Variants in MYO9A observed in about 807,000 individuals in gnomAD.
MYO9A encodes the protein myosin IXA, also known as unconventional myosin-IXa.
A neutral mutation model predicts 293.3 loss-of-function variants in MYO9A; 103 were observed. The ratio of observed to expected loss-of-function variants is 0.35; its 90% CI spans 0.30 to 0.41. MYO9A has a LOEUF of 0.41. Among genes scored for constraint, MYO9A ranks in the 10% least tolerant of loss-of-function variants. The pLI, the probability that MYO9A is intolerant of heterozygous loss-of-function variation, is 1.00. For synonymous variants in MYO9A, 1,001 were observed against 1,035.7 expected, an observed-to-expected ratio of 0.97 and a Z score of 0.64; for missense variants, 2,685 against 3,033.0, an observed-to-expected ratio of 0.89 and a Z score of 2.69.
chr15:72,028,997 G>C (rs2077775050), intron 3 of MYO9A, among the ~76,000 whole-genome samples: 1 of 152,130 alleles, frequency 6.6e-6, no homozygotes, highest in African/African-American at 2.4e-5. Context: ...GCTTATTGTA[G>C]AGCAATGACC....
intron 1 of MYO9A, among the ~76,000 whole-genome samples, chr15:72,110,832 T>C (rs879800847): frequency 3.3e-5 from 5 of 152,216 alleles, no homozygotes; most frequent in African/African-American, 9.6e-5. Context: ...TGATTAGCCA[T>C]TTATTCTAAA....
intron 2 of MYO9A, among the ~76,000 whole-genome samples, chr15:72,034,018 G>A (rs1326239792): frequency 3.9e-5 from 6 of 152,146 alleles, no homozygotes; most frequent in Non-Finnish European, 8.8e-5. Flanking sequence ...ATGCAAAGCT[G>A]TTTGTGCTAA....
chr15:72,068,486 CTTTT>C (rs11345971), intron 1 of MYO9A, among the ~76,000 whole-genome samples: 4 of 144,544 alleles, frequency 2.8e-5, no homozygotes, highest in Admixed American at 6.9e-5. Context: ...CCCAATTTCT[CTTTT>C]TTTTTTTTTT....
chr15:71,899,793 T>G lies in MYO9A; in HGVS notation c.3364A>C (p.Ile1122Leu). ...YRRRHMAAIC[I>L]QARWKAYRES... ...CTGTAGGCTTTCCATCTTGCTTGTA[T>G]GCAAATAGCAGCCATGTGCCTGCGC... Residue 1122 changes from isoleucine (I) to leucine (L), a missense_variant, in exon 24 of 42, where the codon ATA becomes CTA. Physicochemically the swap from Ile to Leu is conservative, Grantham distance 5 (BLOSUM62 2). Transcript: ENST00000356056. The G allele has an allele frequency of 6.2e-7, 1 of 1,614,214 alleles. No individual in the cohort carries two copies. Among genetic ancestry groups the G allele is most frequent in the Non-Finnish European group, 8.5e-7 (1 of 1,180,040 alleles).
At position 71,830,217 on chromosome 15, in the gene MYO9A, AAGGTCTCCTCTG is replaced by A. The variant is rs1389929972; in HGVS notation, c.6920_6931del (p.Ser2307_Thr2310del). On this transcript the variant is annotated inframe_deletion, in exon 40 of 42. Transcript: ENST00000356056. ...AGTCTCCATGGCTGCCTCACTAGTCAAGGTCTCCTCTGAGACATCAGACACAGAAGGCAACCG... is the reference window on the plus strand; with the variant it reads ...AGTCTCCATGGCTGCCTCACTAGTCAAGACATCAGACACAGAAGGCAACCG... 2 of 1,614,068 alleles carry A rather than the reference AAGGTCTCCTCTG, an allele frequency of 1.2e-6. No individual in the cohort carries two copies. The highest frequency in any genetic ancestry group is 1.7e-6 in the Non-Finnish European group (2 of 1,179,978).
rs747586726 is a variant in MYO9A, at chr15:71,880,505, A to T, written c.5452T>A (p.Cys1818Ser). ...PPLSPELPGSCRKEFKENKEP... is the reference protein window; with the variant it reads ...PPLSPELPGSSRKEFKENKEP... ...TTGTTCTCTTTGAATTCCTTCCGGC[A>T]ACTGCCGGGCAGTTCTGGGCTCAAA... Residue 1818 changes from cysteine (C) to serine (S), a missense_variant, in exon 29 of 42, where the codon TGC (cysteine) becomes AGC (serine). By Grantham distance (112) the Cys-to-Ser change is moderately radical. Coordinates refer to ENST00000356056, the MANE Select transcript of MYO9A (RefSeq NM_006901.4). 2.2e-5 allele frequency: 36 copies of T among 1,614,104 alleles called. No individual in the cohort carries two copies. The highest frequency in any genetic ancestry group is 3.3e-4 in the Middle Eastern group (2 of 6,084).
At chr15:72,112,243 C>A (rs1358868512) in intron 1 of MYO9A, among the ~76,000 whole-genome samples, 4 of 152,092 alleles carry the variant, frequency 2.6e-5, no homozygotes, top group South Asian at 2.1e-4. Context: ...AAAACACACA[C>A]AATTTTTAGC....
At chr15:71,892,706 G>A (rs2057213578) in intron 26 of MYO9A, 1 of 234,752 alleles carries the variant, frequency 4.3e-6, no homozygotes, top group Admixed American at 5.2e-5. Flanking sequence ...CACTGCTCTA[G>A]ACCTTTTAGG....
At chr15:71,849,866 T>C (rs1340565821) in intron 38 of MYO9A, among the ~76,000 whole-genome samples, 170 bp downstream of exon 38, 3 of 152,176 alleles carry the variant, frequency 2.0e-5, no homozygotes, top group Non-Finnish European at 4.4e-5. Context: ...TGATGCTCAG[T>C]TGAATCCAGG....
chr15:72,048,198 G>A (rs2078448636), intron 1 of MYO9A, among the ~76,000 whole-genome samples: 1 of 151,688 alleles, frequency 6.6e-6, no homozygotes, highest in Non-Finnish European at 1.5e-5. Flanking sequence ...TCAGGAGTTC[G>A]AGATCAGCCT....
At chr15:72,049,665 G>T (rs923111449) in intron 1 of MYO9A, among the ~76,000 whole-genome samples, 8 of 152,220 alleles carry the variant, frequency 5.3e-5, no homozygotes, top group African/African-American at 1.9e-4. Context: ...GATTGTCATA[G>T]AAGCATTAAG....
chr15:71,989,512 G>A (rs556362054), intron 11 of MYO9A, among the ~76,000 whole-genome samples: 1 of 152,152 alleles, frequency 6.6e-6, no homozygotes, highest in Non-Finnish European at 1.5e-5. Context: ...CAGTAGTTTT[G>A]TATCAGCCAT....
At chr15:72,014,419 C>CT (rs1386262867) in intron 6 of MYO9A, among the ~76,000 whole-genome samples, 12 of 152,222 alleles carry the variant, frequency 7.9e-5, no homozygotes, top group Non-Finnish European at 1.6e-4. Context: ...GGCACGGTGG[C>CT]TCATGCCTAT....
At chr15:71,853,394 G>T (rs1031809306) in intron 35 of MYO9A, among the ~76,000 whole-genome samples, 1 of 152,210 alleles carries the variant, frequency 6.6e-6, no homozygotes, top group African/African-American at 2.4e-5. Flanking sequence ...AGGATATACA[G>T]ATTAGATGAC....
intron 1 of MYO9A, among the ~76,000 whole-genome samples, chr15:72,105,695 T>C (rs917421335): frequency 3.3e-5 from 5 of 151,918 alleles, no homozygotes; most frequent in Admixed American, 2.6e-4. Flanking sequence ...TTAGTAGAGA[T>C]GGGGTTTCTA....
Position 71,922,137 on chromosome 15 carries a change from C to T in MYO9A, c.2563-5645G>A, listed in dbSNP as rs372969521. ...AGACTACAGGCACGTGCCACCACGC[C>T]CAGCTAATTTTTTGTATTTTTAGTA... On this transcript the variant is annotated intron_variant, in intron 18 of 41. Coordinates refer to ENST00000356056, the MANE Select transcript of MYO9A (RefSeq NM_006901.4). Among the ~76,000 whole-genome samples, 5 of 152,142 alleles carry T rather than the reference C, an allele frequency of 3.3e-5. No homozygotes were observed. In the East Asian group the frequency reaches 5.8e-4, roughly 18 times the overall value.
At chr15:71,891,402 G>C (rs574554437) in intron 26 of MYO9A, 1 of 152,268 alleles carries the variant, frequency 6.6e-6, no homozygotes, top group African/African-American at 2.4e-5. Context: ...TGTTACAAAG[G>C]AAACTCTCAG....
intron 1 of MYO9A, among the ~76,000 whole-genome samples, chr15:72,104,956 G>C (rs978625433): frequency 2.6e-5 from 4 of 152,204 alleles, no homozygotes; most frequent in Non-Finnish European, 1.5e-5. Flanking sequence ...AAACATTCAA[G>C]ACATGGGCTT....
intron 32 of MYO9A, among the ~76,000 whole-genome samples, chr15:71,865,188 T>C (rs2056282770): frequency 6.6e-6 from 1 of 152,136 alleles, no homozygotes; most frequent in Non-Finnish European, 1.5e-5. Flanking sequence ...TTTCCAAAAT[T>C]TGAATTTTTG....
Sources: allele counts gnomAD v4.1 joint callset (sites outside exome capture counted in the v4.1 genomes callset), GRCh38; gene constraint gnomAD v4.1.1; transcripts MANE v1.5; gene names NCBI Gene and HGNC (gene_info 2026-07-23, HGNC 2026-07-21).